SGCZ: variants seen among roughly 807,000 people sequenced by gnomAD.
The protein encoded by SGCZ is sarcoglycan zeta, also known as zeta-sarcoglycan.
A neutral mutation model predicts 41.3 loss-of-function variants in SGCZ; 40 were observed. That is an observed-to-expected ratio of 0.97 (90% CI 0.75 to 1.26). The LOEUF is 1.26. Ranked by LOEUF, SGCZ falls within the 50% of genes most tolerant of loss-of-function variation. The probability of loss-of-function intolerance (pLI) is 0.00; values close to 1 mark genes in which losing one functional copy is unlikely to be tolerated. For missense variants in SGCZ, 552 were observed against 369.8 expected, an observed-to-expected ratio of 1.49 and a Z score of -4.04; for synonymous variants, 206 against 137.5, an observed-to-expected ratio of 1.50 and a Z score of -3.49.
At chr8:14,523,130 T>G (rs1217809539) in intron 2 of SGCZ, among the ~76,000 whole-genome samples, 2 of 151,972 alleles carry the variant, frequency 1.3e-5, no homozygotes, top group Non-Finnish European at 2.9e-5. Context: ...CTTAAATATC[T>G]CTCCCGCTTA....
At chr8:14,134,426 G>T (rs140754437) in intron 5 of SGCZ, among the ~76,000 whole-genome samples, 1 of 152,156 alleles carries the variant, frequency 6.6e-6, no homozygotes. Flanking sequence ...TGACAGGTAT[G>T]AATGAAAGTG....
intron 1 of SGCZ, among the ~76,000 whole-genome samples, chr8:15,024,901 A>C (rs537634645): frequency 1.3e-5 from 2 of 151,856 alleles, no homozygotes; most frequent in Admixed American, 6.6e-5. Context: ...GCGCCACTGC[A>C]CTCCAGCCTG....
intron 3 of SGCZ, among the ~76,000 whole-genome samples, chr8:14,318,789 A>T (rs1377944915): frequency 6.6e-6 from 1 of 152,018 alleles, no homozygotes; most frequent in African/African-American, 2.4e-5. Flanking sequence ...ACAGTAACTC[A>T]TCAGGAATAA....
intron 1 of SGCZ, among the ~76,000 whole-genome samples, chr8:15,234,959 T>G (rs889421083): frequency 2.0e-5 from 3 of 152,212 alleles, no homozygotes; most frequent in Non-Finnish European, 4.4e-5. Flanking sequence ...CAGTAAACAT[T>G]TTTTGTATAT....
chr8:14,099,127 G>GCTATATATTGATTCTTTC (rs1801933407), intron 7 of SGCZ, among the ~76,000 whole-genome samples: 1 of 152,166 alleles, frequency 6.6e-6, no homozygotes, highest in Non-Finnish European at 1.5e-5. Context: ...TAAAGGGGCT[G>GCTATATATTGATTCTTTC]CTATATATTG....
At chr8:14,676,695 T>C (rs899062678) in intron 1 of SGCZ, among the ~76,000 whole-genome samples, 5 of 152,004 alleles carry the variant, frequency 3.3e-5, no homozygotes, top group African/African-American at 7.2e-5. Context: ...TTAAGAAGGA[T>C]AAAAATCAAC....
chr8:14,259,078 A>G (rs559541627), intron 3 of SGCZ, among the ~76,000 whole-genome samples: 4 of 152,276 alleles, frequency 2.6e-5, no homozygotes, highest in African/African-American at 7.2e-5. Flanking sequence ...TTATGTTATG[A>G]AAAAAGGCAT....
At chr8:14,975,350 G>A (rs996753291) in intron 1 of SGCZ, among the ~76,000 whole-genome samples, 1 of 152,114 alleles carries the variant, frequency 6.6e-6, no homozygotes, top group African/African-American at 2.4e-5. Context: ...CTCATCCAAA[G>A]GGGAATTGTG....
At chr8:15,156,013 G>C (rs144026121) in intron 1 of SGCZ, among the ~76,000 whole-genome samples, 39 of 137,184 alleles carry the variant, frequency 2.8e-4, no homozygotes, top group African/African-American at 1.1e-3. Context: ...AGCCAAGATC[G>C]TGCCATTGCA....
At chr8:14,110,742 G>C (rs990934051) in intron 5 of SGCZ, among the ~76,000 whole-genome samples, 2 of 152,036 alleles carry the variant, frequency 1.3e-5, no homozygotes, top group African/African-American at 2.4e-5. Flanking sequence ...CAGGTATGAA[G>C]TCTAACAGCA....
intron 4 of SGCZ, among the ~76,000 whole-genome samples, chr8:14,223,320 T>C (rs1806266725): frequency 6.6e-6 from 1 of 152,170 alleles, no homozygotes; most frequent in African/African-American, 2.4e-5. Context: ...TTTGGAAACA[T>C]TTCATCATCA....
At chr8:14,310,469 T>A (rs1260808040) in intron 3 of SGCZ, among the ~76,000 whole-genome samples, 1 of 152,166 alleles carries the variant, frequency 6.6e-6, no homozygotes, top group African/African-American at 2.4e-5. Flanking sequence ...CATAATTGCA[T>A]TCCTAACTAG....
At chr8:14,643,445 T>G (rs1807092236) in intron 1 of SGCZ, among the ~76,000 whole-genome samples, 1 of 151,434 alleles carries the variant, frequency 6.6e-6, no homozygotes. Context: ...GTTCCTAAAA[T>G]TGAGACAATT....
intron 1 of SGCZ, among the ~76,000 whole-genome samples, chr8:14,599,218 G>C (rs1020114999): frequency 6.6e-6 from 1 of 151,768 alleles, no homozygotes; most frequent in Non-Finnish European, 1.5e-5. Context: ...TCTATTCCAA[G>C]GATTCAACCA....
At chr8:14,237,724 G>A (rs749580711) in intron 3 of SGCZ, 45 bp from the exon 4 acceptor site, 57 of 1,554,564 alleles carry the variant, frequency 3.7e-5, no homozygotes, top group East Asian at 3.2e-4. Context: ...TAGAAATATC[G>A]TCAAATTTAC....
At chr8:15,231,506 C>G (rs148855891) in intron 1 of SGCZ, among the ~76,000 whole-genome samples, 1 of 151,102 alleles carries the variant, frequency 6.6e-6, no homozygotes, top group Non-Finnish European at 1.5e-5. Context: ...ATAGAAGTCT[C>G]TCATCAGTTT....
At chr8:15,032,396 G>A (rs1157292360) in intron 1 of SGCZ, among the ~76,000 whole-genome samples, 6 of 152,100 alleles carry the variant, frequency 3.9e-5, no homozygotes, top group African/African-American at 1.4e-4. Flanking sequence ...GTTATATGAG[G>A]TATCATCCAC....
chr8:14,240,303 G>C (rs1400014084), intron 3 of SGCZ, among the ~76,000 whole-genome samples: 1 of 130,926 alleles, frequency 7.6e-6, no homozygotes, highest in Admixed American at 8.8e-5. Flanking sequence ...ACTCCAGCCT[G>C]AGTGACAGAG....
chr8:14,589,677 C>G (rs1422914851), intron 1 of SGCZ, among the ~76,000 whole-genome samples: 5 of 152,084 alleles, frequency 3.3e-5, no homozygotes, highest in Non-Finnish European at 5.9e-5. Context: ...TTTGGAGGAA[C>G]ATAGATATTT....
Sources: allele counts gnomAD v4.1 joint callset (sites outside exome capture counted in the v4.1 genomes callset), GRCh38; gene constraint gnomAD v4.1.1; transcripts MANE v1.5; gene names NCBI Gene and HGNC (gene_info 2026-07-23, HGNC 2026-07-21).